The following BLMH variants were observed in gnomAD, a reference collection of about 807,000 sequenced individuals.
BLMH encodes the protein BLM hydrolase.
A neutral mutation model predicts 61.6 loss-of-function variants in BLMH; 32 were observed. That is an observed-to-expected ratio of 0.52 (90% CI 0.39 to 0.70). The LOEUF (loss-of-function observed/expected upper bound fraction) is 0.70. Among genes scored for constraint, BLMH ranks in the 30% least tolerant of loss-of-function variants. BLMH has a pLI of 0.00. For missense variants in BLMH, 460 were observed against 555.5 expected (o/e 0.83, Z 1.73); for synonymous variants, 183 against 193.8 (o/e 0.94, Z 0.46).
At chr17:30,273,614 C>G (rs879787346) in intron 7 of BLMH, 1 of 185,404 alleles carries the variant, frequency 5.4e-6, no homozygotes, top group Non-Finnish European at 1.1e-5. Context: ...GATCCTCCTA[C>G]TAGGCAGATG....
At chr17:30,267,305 A>G (rs1908138868) in intron 10 of BLMH, among the ~76,000 whole-genome samples, 1 of 152,276 alleles carries the variant, frequency 6.6e-6, no homozygotes. Flanking sequence ...TACTAAAAGC[A>G]GTAAACATTT....
intron 9 of BLMH, 92 bp from the exon 10 acceptor site, chr17:30,271,480 G>T (rs1002582105): frequency 1.1e-6 from 1 of 879,994 alleles, no homozygotes; most frequent in East Asian, 2.5e-5. Flanking sequence ...GAAACTGAAG[G>T]GGCTCAACAG....
At chr17:30,255,066 C>T (rs1487085940) in intron 11 of BLMH, among the ~76,000 whole-genome samples, 1 of 152,128 alleles carries the variant, frequency 6.6e-6, no homozygotes, top group Non-Finnish European at 1.5e-5. Context: ...TTTTTTCATG[C>T]TTAGAAACAA....
At chr17:30,290,390 C>T (rs1204961352) in intron 2 of BLMH, among the ~76,000 whole-genome samples, 2 of 152,176 alleles carry the variant, frequency 1.3e-5, no homozygotes, top group African/African-American at 4.8e-5. Flanking sequence ...CATCTGTAGC[C>T]TGAGAGCCCA....
intron 11 of BLMH, among the ~76,000 whole-genome samples, chr17:30,259,140 A>G (rs981581588): frequency 3.9e-5 from 6 of 152,182 alleles, no homozygotes; most frequent in Non-Finnish European, 8.8e-5. Context: ...TATGTTTTAC[A>G]TATTTATTCT....
intron 2 of BLMH, 174 bp downstream of exon 2, chr17:30,291,137 G>C: frequency 1.3e-6 from 1 of 771,246 alleles, no homozygotes; most frequent in Non-Finnish European, 2.0e-6. Flanking sequence ...CCACAGAACA[G>C]CAAAACAAAC....
chr17:30,286,909 G>A lies in BLMH; in HGVS notation c.464-7C>T. On this transcript the variant is annotated splice_region_variant and splice_polypyrimidine_tract_variant and intron_variant, in intron 4 of 11. Coordinates refer to ENST00000261714, the MANE Select transcript of BLMH (RefSeq NM_000386.4). Reference sequence around the variant, plus strand: ...GGGATAACACCATATTTTTCTAAAAGAAAACAAATTCTAGTGTTAAAGAAG... The same window carrying A: ...GGGATAACACCATATTTTTCTAAAAAAAAACAAATTCTAGTGTTAAAGAAG... 1 of 1,546,278 alleles carries A rather than the reference G, an allele frequency of 6.5e-7. No homozygotes were observed. Among genetic ancestry groups the A allele is most frequent in the Non-Finnish European group, 8.9e-7 (1 of 1,123,958 alleles).
rs189459323 is a variant in BLMH, at chr17:30,256,619, C to T, written c.1217-7451G>A. On this transcript the variant is annotated intron_variant, in intron 11 of 11. Coordinates refer to ENST00000261714, the MANE Select transcript of BLMH (RefSeq NM_000386.4). Reference sequence around the variant, plus strand: ...TGCTGGGATTACAGGCGTAAGCCATCGTGCCCGGCCCATTTTTTGTTTTTA... The same window carrying T: ...TGCTGGGATTACAGGCGTAAGCCATTGTGCCCGGCCCATTTTTTGTTTTTA... Among the ~76,000 whole-genome samples the T allele has an allele frequency of 8.8e-4, 134 of 152,112 alleles. 7 individuals are homozygous for T. The East Asian group carries it at 0.018, about 20-fold the overall frequency.
chr17:30,268,561 G>A (rs1461286381), intron 10 of BLMH, among the ~76,000 whole-genome samples: 1 of 151,932 alleles, frequency 6.6e-6, no homozygotes, highest in Non-Finnish European at 1.5e-5. Flanking sequence ...ATTTTCCTAA[G>A]GAAACAACCC....
intron 7 of BLMH, chr17:30,273,163 C>A (rs1908323705): frequency 4.7e-5 from 14 of 296,412 alleles, no homozygotes; most frequent in Middle Eastern, 9.8e-4. Flanking sequence ...GCTCCAAAAG[C>A]AATTTTTTTT....
In BLMH at chr17:30,266,837, T is replaced by C. The variant is rs762830685; in HGVS notation, c.1216+48A>G. On this transcript the variant is annotated intron_variant, in intron 11 of 11. Coordinates refer to ENST00000261714, the MANE Select transcript of BLMH (RefSeq NM_000386.4). Reference sequence around the variant, plus strand: ...CAGCTTGACACCCAGACAGGCAGAGTAGAGCAGGCCCAGTCACCTGGAGTT... The same window carrying C: ...CAGCTTGACACCCAGACAGGCAGAGCAGAGCAGGCCCAGTCACCTGGAGTT... 3.2e-6 allele frequency: 5 copies of C among 1,548,214 alleles called. No individual in the cohort carries two copies. The Admixed American group carries it at 5.0e-5, about 16-fold the overall frequency.
intron 6 of BLMH, among the ~76,000 whole-genome samples, chr17:30,275,560 C>CCTAT (rs2143023052): frequency 6.6e-6 from 1 of 151,968 alleles, no homozygotes; most frequent in Non-Finnish European, 1.5e-5. Flanking sequence ...GTGGTATGTA[C>CCTAT]CTATAATCCC....
At chr17:30,286,964 G>C in intron 4 of BLMH, 62 bp from the exon 5 acceptor site, 1 of 1,080,190 alleles carries the variant, frequency 9.3e-7, no homozygotes, top group South Asian at 1.4e-5. Context: ...GGCAAAAATA[G>C]TGATTGTTTC....
intron 11 of BLMH, among the ~76,000 whole-genome samples, chr17:30,259,946 G>A (rs1907913595): frequency 1.3e-5 from 2 of 152,248 alleles, no homozygotes; most frequent in African/African-American, 4.8e-5. Context: ...CTGGAACCAT[G>A]GGGCAAGTTA....
intron 7 of BLMH, 154 bp downstream of exon 7, chr17:30,273,888 G>C (rs1908347121): frequency 1.1e-6 from 1 of 898,110 alleles, no homozygotes; most frequent in Non-Finnish European, 1.7e-6. Flanking sequence ...AACTTCATTA[G>C]CTGCATAAAA....
intron 5 of BLMH, 126 bp downstream of exon 5, chr17:30,286,688 A>T: frequency 3.3e-6 from 2 of 615,044 alleles, no homozygotes; most frequent in Non-Finnish European, 5.6e-6. Context: ...TGCTTTTGAC[A>T]GACATTGACA....
Position 30,291,396 on chromosome 17 carries a change from C to G in BLMH, c.126G>C (p.Lys42Asn). 3.1e-6 allele frequency: 5 copies of G among 1,614,168 alleles called. No individual in the cohort carries two copies. The highest frequency in any genetic ancestry group is 4.2e-6 in the Non-Finnish European group (5 of 1,180,040). Residue 42 changes from lysine to asparagine, a missense_variant, in exon 2 of 12, where the codon AAG becomes AAC. Around this residue, in one of 5 missense-constraint regions of BLMH, gnomAD observed 86 missense variants for 84.5 expected, o/e 1.02. Transcript: ENST00000261714. ...TTHDLLDICL[K>N]RATVQRAQHV... ...GCTGCGCGCGCTGCACCGTGGCCCG[C>G]TTCAGACAGATGTCCAGCAGGTCGT...
At chr17:30,275,451 G>T (rs929197868) in intron 6 of BLMH, among the ~76,000 whole-genome samples, 1 of 152,034 alleles carries the variant, frequency 6.6e-6, no homozygotes, top group Non-Finnish European at 1.5e-5. Flanking sequence ...ATGAGGTCAG[G>T]AGTTTGAGAC....
chr17:30,255,445 A>G (rs1907786428), intron 11 of BLMH, among the ~76,000 whole-genome samples: 1 of 152,344 alleles, frequency 6.6e-6, no homozygotes, highest in African/African-American at 2.4e-5. Flanking sequence ...TAATAAATAA[A>G]TGTATTAAAT....
Sources: allele counts gnomAD v4.1 joint callset (sites outside exome capture counted in the v4.1 genomes callset), GRCh38; gene constraint gnomAD v4.1.1; regional missense constraint gnomAD v4.1.1; transcripts MANE v1.5; gene names NCBI Gene and HGNC (gene_info 2026-07-23, HGNC 2026-07-21).